Variants in AFG2A observed in about 807,000 individuals in gnomAD.
AFG2A encodes the protein AAA ATPase AFG2A, also known as ATPase family gene 2 protein homolog A.
At chr4:122,958,699 G>A in the AFG2A span, among the ~76,000 whole-genome samples, 2 of 152,292 alleles carry the variant, frequency 1.3e-5, no homozygotes, top group Non-Finnish European at 2.9e-5. Context: ...TGATGCTAAT[G>A]CTGGTGCTAA....
chr4:123,216,626 C>T, the AFG2A span, among the ~76,000 whole-genome samples: 1 of 151,434 alleles, frequency 6.6e-6, no homozygotes, highest in African/African-American at 2.4e-5. Context: ...AAATTGTTCC[C>T]CAAACTGCTA....
chr4:122,965,721 T>C, the AFG2A span, among the ~76,000 whole-genome samples: 8 of 152,224 alleles, frequency 5.3e-5, no homozygotes, highest in African/African-American at 1.9e-4. Context: ...GTTGATGGCT[T>C]ACTTTCAACC....
the AFG2A span, among the ~76,000 whole-genome samples, chr4:123,286,245 A>G: frequency 6.6e-6 from 1 of 152,196 alleles, no homozygotes; most frequent in Non-Finnish European, 1.5e-5. Context: ...TTAATCAAAC[A>G]TTATCACACT....
At chr4:123,016,882 C>G in the AFG2A span, among the ~76,000 whole-genome samples, 1 of 152,132 alleles carries the variant, frequency 6.6e-6, no homozygotes. Context: ...CACCTCGGGA[C>G]GCCGAGGCTG....
chr4:123,020,184 AAC>A, the AFG2A span, among the ~76,000 whole-genome samples: 1 of 151,794 alleles, frequency 6.6e-6, no homozygotes, highest in South Asian at 2.1e-4. Context: ...TATACATACA[AAC>A]ACAAACACAC....
the AFG2A span, among the ~76,000 whole-genome samples, chr4:123,308,988 G>T: frequency 6.6e-6 from 1 of 152,052 alleles, no homozygotes; most frequent in Non-Finnish European, 1.5e-5. Flanking sequence ...TCTATTCCTT[G>T]TGTTTCTGTC....
At chr4:123,070,955 A>G in the AFG2A span, among the ~76,000 whole-genome samples, 1 of 152,182 alleles carries the variant, frequency 6.6e-6, no homozygotes, top group Non-Finnish European at 1.5e-5. Context: ...TACTATTTCT[A>G]GATCTGTGAT....
the AFG2A span, among the ~76,000 whole-genome samples, chr4:123,066,516 A>G: frequency 6.6e-6 from 1 of 152,160 alleles, no homozygotes; most frequent in Non-Finnish European, 1.5e-5. Context: ...TTCTGATTTA[A>G]TGCTCTTTGA....
chr4:122,948,385 TATACACAC>T, the AFG2A span, among the ~76,000 whole-genome samples: 5 of 80,202 alleles, frequency 6.2e-5, no homozygotes, highest in African/African-American at 2.0e-4. Flanking sequence ...TTCTCCAGAG[TATACACAC>T]ACACACACAC....
At chr4:123,119,006 A>G in the AFG2A span, among the ~76,000 whole-genome samples, 1 of 152,156 alleles carries the variant, frequency 6.6e-6, no homozygotes, top group African/African-American at 2.4e-5. Flanking sequence ...TCTATCAAGT[A>G]GAGTGATAAC....
At chr4:123,094,322 A>G in the AFG2A span, among the ~76,000 whole-genome samples, 1 of 151,826 alleles carries the variant, frequency 6.6e-6, no homozygotes, top group Non-Finnish European at 1.5e-5. Flanking sequence ...AGTCTGTCCA[A>G]CCCCCTATTT....
At chr4:123,117,699 G>A in the AFG2A span, among the ~76,000 whole-genome samples, 1 of 151,528 alleles carries the variant, frequency 6.6e-6, no homozygotes, top group Admixed American at 6.6e-5. Context: ...TCTACTTTCT[G>A]TAAAGGAGGA....
the AFG2A span, among the ~76,000 whole-genome samples, chr4:123,189,506 A>G: frequency 6.6e-6 from 1 of 152,030 alleles, no homozygotes; most frequent in Non-Finnish European, 1.5e-5. Context: ...ATCTCCGTTA[A>G]CCCTCAATGT....
At chr4:123,136,980 G>A in the AFG2A span, among the ~76,000 whole-genome samples, 2 of 152,182 alleles carry the variant, frequency 1.3e-5, no homozygotes, top group Non-Finnish European at 2.9e-5. Context: ...CCACAGGTGT[G>A]GGGCGGGGGT....
the AFG2A span, among the ~76,000 whole-genome samples, chr4:123,280,360 TA>T: frequency 6.6e-6 from 1 of 152,222 alleles, no homozygotes; most frequent in Admixed American, 6.5e-5. Flanking sequence ...TTTTAATTAA[TA>T]AAGTTCGGTT....
the AFG2A span, among the ~76,000 whole-genome samples, chr4:122,939,376 C>T: frequency 9.7e-4 from 148 of 152,172 alleles, 1 homozygote; most frequent in South Asian, 0.017. Flanking sequence ...GCCACCGCGC[C>T]CAGCCGGGAT....
At chr4:122,986,901 A>G in the AFG2A span, among the ~76,000 whole-genome samples, 1 of 152,082 alleles carries the variant, frequency 6.6e-6, no homozygotes, top group African/African-American at 2.4e-5. Flanking sequence ...ATGATTTGCC[A>G]TTGTTGAAAG....
the AFG2A span, among the ~76,000 whole-genome samples, chr4:123,243,097 A>T: frequency 6.6e-6 from 1 of 152,230 alleles, no homozygotes; most frequent in Non-Finnish European, 1.5e-5. Flanking sequence ...TTGGGAAACA[A>T]CAGATGCTGG....
the AFG2A span, among the ~76,000 whole-genome samples, chr4:123,141,879 C>T: frequency 6.6e-6 from 1 of 152,048 alleles, no homozygotes; most frequent in Non-Finnish European, 1.5e-5. Flanking sequence ...TACTCACTTG[C>T]CACTTTTTTG....
Sources: gnomAD v4.1 joint callset for allele counts (sites outside exome capture counted in the v4.1 genomes callset) on GRCh38, gnomAD v4.1.1 for gene constraint, MANE v1.5 for transcripts, NCBI Gene and HGNC (gene_info 2026-07-23, HGNC 2026-07-21) for gene names.